THADA: variants seen among roughly 807,000 people sequenced by gnomAD.
THADA encodes the protein THADA armadillo repeat containing.
Under a neutral mutation model 219.8 loss-of-function variants are expected in THADA, and 213 were observed. The observed-to-expected ratio is 0.97, with a 90% CI of 0.87 to 1.09. The LOEUF (loss-of-function observed/expected upper bound fraction) is 1.09. THADA is among the 50% of genes least tolerant of loss of function. The probability of loss-of-function intolerance (pLI) is 0.00; values close to 1 mark genes in which losing one functional copy is unlikely to be tolerated. For synonymous variants in THADA, 1,018 were observed against 828.9 expected (o/e 1.23, Z -3.92); for missense variants, 2,956 against 2,311.3 (o/e 1.28, Z -5.72).
chr2:43,536,300 G>C (rs1005277035), intron 21 of THADA, among the ~76,000 whole-genome samples: 2 of 152,098 alleles, frequency 1.3e-5, no homozygotes, highest in Non-Finnish European at 2.9e-5. Context: ...TGTTCCACTG[G>C]TCTATGTGTC....
chr2:43,552,510 G>A (rs1364246586), intron 17 of THADA, among the ~76,000 whole-genome samples, 171 bp from the exon 18 acceptor site: 1 of 152,028 alleles, frequency 6.6e-6, no homozygotes, highest in Non-Finnish European at 1.5e-5. Context: ...CTCATTTCTA[G>A]GCAGAACTGA....
Position 43,231,436 on chromosome 2 carries a change from G to A in THADA, c.5467-93C>T, listed in dbSNP as rs1465456339. ...GCAGTACCCTGCCAGATGCAAGAGG[G>A]GTTTCCCTTCCCCCACCTGACAGAG... is the stretch of plus-strand genomic sequence containing the variant. On this transcript the variant is annotated intron_variant, in intron 37 of 37. Coordinates refer to ENST00000405975, the MANE Select transcript of THADA (RefSeq NM_022065.5). 11 of 1,327,204 alleles carry A rather than the reference G, an allele frequency of 8.3e-6. No individual in the cohort carries two copies. The South Asian group carries it at 8.7e-5, about 11-fold the overall frequency. 82.2% of individuals were successfully genotyped at this position (1,327,204 alleles called of 1,614,324 possible).
At chr2:43,458,172 T>C (rs528508422) in intron 26 of THADA, among the ~76,000 whole-genome samples, 14 of 152,312 alleles carry the variant, frequency 9.2e-5, no homozygotes, top group African/African-American at 2.6e-4. Context: ...ATGGATGATG[T>C]TGCAAGATAA....
chr2:43,306,228 T>C (rs1676846957), intron 31 of THADA, among the ~76,000 whole-genome samples: 1 of 152,112 alleles, frequency 6.6e-6, no homozygotes, highest in African/African-American at 2.4e-5. Context: ...CTCAGGCTAG[T>C]CTTGAACTCC....
At chr2:43,544,756 C>T (rs971774042) in intron 20 of THADA, among the ~76,000 whole-genome samples, 3 of 151,690 alleles carry the variant, frequency 2.0e-5, no homozygotes, top group Non-Finnish European at 1.5e-5. Flanking sequence ...AGTTGCTTAT[C>T]AGCTTAAGGA....
chr2:43,489,699 T>C (rs1687372453), intron 25 of THADA, among the ~76,000 whole-genome samples: 1 of 152,088 alleles, frequency 6.6e-6, no homozygotes, highest in Non-Finnish European at 1.5e-5. Context: ...GTACAATCAA[T>C]CCTAATCTGC....
chr2:43,430,812 A>G (rs1180034135), intron 26 of THADA, among the ~76,000 whole-genome samples: 1 of 152,206 alleles, frequency 6.6e-6, no homozygotes, highest in Admixed American at 6.5e-5. Flanking sequence ...TGCCAGCAGC[A>G]CAACACCCCT....
intron 30 of THADA, among the ~76,000 whole-genome samples, chr2:43,340,206 C>T (rs1666923547): frequency 6.6e-6 from 1 of 152,182 alleles, no homozygotes; most frequent in African/African-American, 2.4e-5. Flanking sequence ...GATTAATGAG[C>T]TGATTTCCAT....
chr2:43,243,642 G>A (rs1430231663), intron 36 of THADA, among the ~76,000 whole-genome samples: 1 of 152,158 alleles, frequency 6.6e-6, no homozygotes, highest in Non-Finnish European at 1.5e-5. Context: ...GGCCACAAAT[G>A]AGAAGCAGCC....
chr2:43,470,240 G>GA (rs1684752141), intron 26 of THADA, among the ~76,000 whole-genome samples: 1 of 146,616 alleles, frequency 6.8e-6, no homozygotes, highest in Admixed American at 6.8e-5. Context: ...AGAAGGAAAA[G>GA]AAAAGAAATC....
At chr2:43,442,876 C>T (rs1046069316) in intron 26 of THADA, among the ~76,000 whole-genome samples, 2 of 152,156 alleles carry the variant, frequency 1.3e-5, no homozygotes, top group African/African-American at 4.8e-5. Flanking sequence ...TACTTTCTGC[C>T]AGGAACACCT....
At chr2:43,348,781 G>A (rs965378499) in intron 29 of THADA, among the ~76,000 whole-genome samples, 1 of 152,288 alleles carries the variant, frequency 6.6e-6, no homozygotes, top group African/African-American at 2.4e-5. Flanking sequence ...AATGAGGGAG[G>A]GGAATTAATG....
chr2:43,249,428 T>C (rs1380282585), intron 36 of THADA, among the ~76,000 whole-genome samples: 1 of 152,184 alleles, frequency 6.6e-6, no homozygotes, highest in East Asian at 1.9e-4. Flanking sequence ...CTTCCAGTCT[T>C]GTCTAGACTC....
intron 29 of THADA, among the ~76,000 whole-genome samples, chr2:43,361,437 T>C (rs1357799949): frequency 6.6e-6 from 1 of 152,248 alleles, no homozygotes; most frequent in Non-Finnish European, 1.5e-5. Context: ...AATTCTGTGG[T>C]GCAACTGACG....
intron 21 of THADA, among the ~76,000 whole-genome samples, chr2:43,537,816 G>A (rs533426547): frequency 8.0e-4 from 113 of 141,460 alleles, no homozygotes; most frequent in African/African-American, 2.9e-3. Context: ...AATTAGCCAG[G>A]AGTGGTAGCA....
rs1258169624 is a variant in THADA, at chr2:43,487,466, A to C, written c.3745-2141T>G. Among the ~76,000 whole-genome samples the C allele has an allele frequency of 2.6e-5, 4 of 151,954 alleles. No homozygotes were observed. In the East Asian group the frequency reaches 7.7e-4, roughly 29 times the overall value. On this transcript the variant is annotated intron_variant, in intron 25 of 37. Coordinates refer to ENST00000405975, the MANE Select transcript of THADA (RefSeq NM_022065.5). ...GTGAATGGATACCCTCTGAAACAAA[A>C]CTCCTTTGATTCAATAGACTGACGG... is the stretch of plus-strand genomic sequence containing the variant.
At chr2:43,536,266 C>A (rs1282001103) in intron 21 of THADA, among the ~76,000 whole-genome samples, 5 of 152,134 alleles carry the variant, frequency 3.3e-5, no homozygotes, top group African/African-American at 1.2e-4. Context: ...GCGGTAGATA[C>A]ATTAATTTCT....
chr2:43,468,495 G>T (rs1005658740), intron 26 of THADA, among the ~76,000 whole-genome samples: 1 of 151,964 alleles, frequency 6.6e-6, no homozygotes, highest in South Asian at 2.1e-4. Context: ...TCCAATAAAG[G>T]GTCAGTAAAG....
intron 17 of THADA, among the ~76,000 whole-genome samples, chr2:43,554,147 G>C (rs910587354): frequency 6.6e-6 from 1 of 152,008 alleles, no homozygotes; most frequent in Non-Finnish European, 1.5e-5. Context: ...TTCCCTTTGT[G>C]GCTTGTACTT....
Sources: gnomAD v4.1 joint callset for allele counts (sites outside exome capture counted in the v4.1 genomes callset) on GRCh38, gnomAD v4.1.1 for gene constraint, MANE v1.5 for transcripts, NCBI Gene and HGNC (gene_info 2026-07-23, HGNC 2026-07-21) for gene names.